The following CACNA1E variants were observed in gnomAD, a reference collection of about 807,000 sequenced individuals.
CACNA1E encodes voltage-dependent R-type calcium channel subunit alpha-1E.
In CACNA1E, 40 loss-of-function variants were observed where a neutral mutation model predicts 259.2. The observed-to-expected ratio is 0.15, with a 90% confidence interval of 0.12 to 0.20. CACNA1E has a LOEUF of 0.20. Among genes scored for constraint, CACNA1E ranks in the 10% least tolerant of loss-of-function variants. The pLI is 1.00. For synonymous variants in CACNA1E, 1,104 were observed against 1,138.5 expected, an observed-to-expected ratio of 0.97 and a Z score of 0.61; for missense variants, 1,874 against 3,040.1, an observed-to-expected ratio of 0.62 and a Z score of 9.02.
At chr1:181,456,139 T>C (rs1558018097) in intron 2 of CACNA1E, among the ~76,000 whole-genome samples, 1 of 152,084 alleles carries the variant, frequency 6.6e-6, no homozygotes, top group Non-Finnish European at 1.5e-5. Flanking sequence ...TTTGGAGTCA[T>C]GGTCAAGGTC....
At chr1:181,694,501 T>C (rs1169068232) in intron 7 of CACNA1E, among the ~76,000 whole-genome samples, 1 of 152,216 alleles carries the variant, frequency 6.6e-6, no homozygotes, top group African/African-American at 2.4e-5. Flanking sequence ...AATGCCATTA[T>C]TGTGGGAGTG....
chr1:181,340,054 C>T (rs1652029768), intron 1 of CACNA1E, among the ~76,000 whole-genome samples: 1 of 147,774 alleles, frequency 6.8e-6, no homozygotes. Context: ...AAAAATTATA[C>T]TTTTTTTTTT....
chr1:181,550,464 A>C (rs1002977757), intron 3 of CACNA1E, among the ~76,000 whole-genome samples: 1 of 152,094 alleles, frequency 6.6e-6, no homozygotes, highest in Non-Finnish European at 1.5e-5. Flanking sequence ...ATGGCAGAGA[A>C]GAGGGCAAGG....
chr1:181,416,338 C>A (rs1390019327), intron 2 of CACNA1E, among the ~76,000 whole-genome samples: 1 of 152,184 alleles, frequency 6.6e-6, no homozygotes, highest in Non-Finnish European at 1.5e-5. Flanking sequence ...TGTTTCTTTT[C>A]TTATCTGCCA....
At chr1:181,729,780 G>A (rs942831484) in intron 18 of CACNA1E, among the ~76,000 whole-genome samples, 7 of 152,210 alleles carry the variant, frequency 4.6e-5, no homozygotes, top group African/African-American at 9.7e-5. Context: ...ATCCTTCCAC[G>A]TACGTACACT....
At chr1:181,797,373 ACT>A (rs1478166647) in intron 47 of CACNA1E, among the ~76,000 whole-genome samples, 2 of 152,038 alleles carry the variant, frequency 1.3e-5, no homozygotes, top group African/African-American at 4.8e-5. Flanking sequence ...ACATTCATAG[ACT>A]CTGTTTTACT....
At chr1:181,466,274 G>A (rs1460872611) in intron 2 of CACNA1E, among the ~76,000 whole-genome samples, 1 of 152,146 alleles carries the variant, frequency 6.6e-6, no homozygotes, top group Non-Finnish European at 1.5e-5. Flanking sequence ...TGGGCATGGT[G>A]GCTCATGCCT....
intron 2 of CACNA1E, among the ~76,000 whole-genome samples, chr1:181,435,563 C>G (rs1273200830): frequency 6.6e-6 from 1 of 152,162 alleles, no homozygotes; most frequent in African/African-American, 2.4e-5. Context: ...TCTCACATCT[C>G]TCTTCTCAGA....
At chr1:181,402,340 G>A (rs1358922886) in intron 1 of CACNA1E, among the ~76,000 whole-genome samples, 2 of 152,190 alleles carry the variant, frequency 1.3e-5, no homozygotes, top group East Asian at 1.9e-4. Flanking sequence ...AGTGGTGAGA[G>A]AGAGCCCAGG....
chr1:181,459,280 G>A (rs1458988930), intron 2 of CACNA1E, among the ~76,000 whole-genome samples: 1 of 152,272 alleles, frequency 6.6e-6, no homozygotes, highest in African/African-American at 2.4e-5. Context: ...AAACCTCAAG[G>A]AGGGCAGTTG....
At chr1:181,402,631 C>T (rs1657183005) in intron 1 of CACNA1E, among the ~76,000 whole-genome samples, 2 of 152,188 alleles carry the variant, frequency 1.3e-5, no homozygotes, top group African/African-American at 4.8e-5. Flanking sequence ...GCTCTGCTTC[C>T]TCTACATGGA....
intron 1 of CACNA1E, among the ~76,000 whole-genome samples, chr1:181,362,408 C>T (rs957726157): frequency 6.6e-6 from 1 of 152,214 alleles, no homozygotes; most frequent in Non-Finnish European, 1.5e-5. Context: ...TGCTGTTTCC[C>T]ACGTGGATAC....
intron 2 of CACNA1E, 35 bp from the exon 3 acceptor site, chr1:181,511,336 C>T: frequency 6.2e-7 from 1 of 1,612,724 alleles, no homozygotes; most frequent in Non-Finnish European, 8.5e-7. Context: ...GCACAGTCCT[C>T]TTCTCACTGG....
intron 6 of CACNA1E, among the ~76,000 whole-genome samples, chr1:181,597,661 A>G (rs1476084143): frequency 1.3e-5 from 2 of 152,184 alleles, no homozygotes; most frequent in Non-Finnish European, 2.9e-5. Flanking sequence ...ATGCTGCTAT[A>G]AAGACATACC....
chr1:181,573,074 C>T (rs1650578354), intron 3 of CACNA1E, among the ~76,000 whole-genome samples: 1 of 152,252 alleles, frequency 6.6e-6, no homozygotes, highest in South Asian at 2.1e-4. Flanking sequence ...AGAGAACTGA[C>T]TTTAACTCCT....
At chr1:181,791,452 G>A (rs1221439840) in intron 44 of CACNA1E, among the ~76,000 whole-genome samples, 1 of 152,186 alleles carries the variant, frequency 6.6e-6, no homozygotes, top group East Asian at 1.9e-4. Context: ...CAGCCTGGGT[G>A]ACAGAGCAAG....
chr1:181,522,999 A>G (rs1205137258), intron 3 of CACNA1E, among the ~76,000 whole-genome samples: 1 of 152,210 alleles, frequency 6.6e-6, no homozygotes, highest in African/African-American at 2.4e-5. Context: ...GTTCTGAAAT[A>G]CAAGACTTGG....
chr1:181,723,607 C>T (rs1216309583), intron 16 of CACNA1E, among the ~76,000 whole-genome samples: 2 of 152,174 alleles, frequency 1.3e-5, no homozygotes, highest in African/African-American at 2.4e-5. Flanking sequence ...ATCCCCAAGA[C>T]TGCCCCTGCC....
At chr1:181,675,728 C>T (rs996411910) in intron 7 of CACNA1E, among the ~76,000 whole-genome samples, 1 of 152,138 alleles carries the variant, frequency 6.6e-6, no homozygotes, top group African/African-American at 2.4e-5. Context: ...TTCTTGTCAC[C>T]CTCTGTGTGT....
Sources: allele counts gnomAD v4.1 joint callset (sites outside exome capture counted in the v4.1 genomes callset), GRCh38; gene constraint gnomAD v4.1.1; transcripts MANE v1.5; gene names NCBI Gene and HGNC (gene_info 2026-07-23, HGNC 2026-07-21).